TIMD4: variants seen among roughly 807,000 people sequenced by gnomAD.
TIMD4 encodes T-cell immunoglobulin and mucin domain-containing protein 4.
TIMD4 carries 31 observed loss-of-function variants against 41.2 expected under a neutral mutation model. The ratio of observed to expected loss-of-function variants is 0.75; its 90% CI spans 0.57 to 1.01. The LOEUF (loss-of-function observed/expected upper bound fraction) is 1.01, where lower values mean the gene tolerates loss of function less well. TIMD4 is among the 50% of genes least tolerant of loss of function. TIMD4 has a pLI of 0.00. For synonymous variants in TIMD4, 204 were observed against 177.1 expected (o/e 1.15, Z -1.21); for missense variants, 479 against 472.5 (o/e 1.01, Z -0.13).
At chr5:156,930,562 CT>C (rs1235826090) in intron 5 of TIMD4, among the ~76,000 whole-genome samples, 3 of 152,224 alleles carry the variant, frequency 2.0e-5, no homozygotes, top group Non-Finnish European at 4.4e-5. Context: ...GGACAGTGGT[CT>C]CTAAAGAGGG....
intron 1 of TIMD4, among the ~76,000 whole-genome samples, chr5:156,958,823 A>G (rs1428077887): frequency 1.3e-5 from 2 of 152,230 alleles, no homozygotes; most frequent in African/African-American, 4.8e-5. Context: ...AAACTGGTGC[A>G]TATTTATTCC....
chr5:156,938,849 T>A (rs1034296969), intron 5 of TIMD4, among the ~76,000 whole-genome samples: 2 of 152,214 alleles, frequency 1.3e-5, no homozygotes, highest in African/African-American at 4.8e-5. Context: ...TCTAAATGCC[T>A]CATTCCAGAA....
At chr5:156,940,744 A>G (rs111637054) in intron 5 of TIMD4, among the ~76,000 whole-genome samples, 1 of 151,170 alleles carries the variant, frequency 6.6e-6, no homozygotes, top group Non-Finnish European at 1.5e-5. Context: ...AAGTGAGGAG[A>G]GTCTCCACCC....
chr5:156,943,852 C>T (rs1440465934), intron 5 of TIMD4, among the ~76,000 whole-genome samples: 2 of 151,426 alleles, frequency 1.3e-5, no homozygotes, highest in Non-Finnish European at 2.9e-5. Flanking sequence ...GAGTTTGAGA[C>T]CAGCCTGGCC....
At chr5:156,932,716 C>T (rs1047033935) in intron 5 of TIMD4, among the ~76,000 whole-genome samples, 5 of 152,102 alleles carry the variant, frequency 3.3e-5, no homozygotes, top group South Asian at 2.1e-4. Flanking sequence ...TTAAAGAAAA[C>T]GGTTTAAGGG....
chr5:156,921,557 T>G (rs1318377541), intron 7 of TIMD4, among the ~76,000 whole-genome samples: 2 of 127,384 alleles, frequency 1.6e-5, no homozygotes, highest in Non-Finnish European at 3.1e-5. Flanking sequence ...GAGGCGGAGG[T>G]GCAGTAAGCT....
At chr5:156,950,002 G>A (rs945177116) in intron 3 of TIMD4, among the ~76,000 whole-genome samples, 1 of 152,090 alleles carries the variant, frequency 6.6e-6, no homozygotes, top group Non-Finnish European at 1.5e-5. Flanking sequence ...TTTTTAGTAA[G>A]AGATGGGGTT....
chr5:156,920,279 T>C (rs910730985), intron 8 of TIMD4, among the ~76,000 whole-genome samples, 185 bp downstream of exon 8: 1 of 152,198 alleles, frequency 6.6e-6, no homozygotes, highest in East Asian at 1.9e-4. Flanking sequence ...TTGCTCAGAG[T>C]GTTAACCAAG....
At chr5:156,945,677 C>T (rs921768217) in intron 5 of TIMD4, among the ~76,000 whole-genome samples, 5 of 151,878 alleles carry the variant, frequency 3.3e-5, no homozygotes, top group African/African-American at 7.3e-5. Flanking sequence ...AAAAAGCATG[C>T]GTGTAATGTT....
chr5:156,940,435 A>G (rs1335334016), intron 5 of TIMD4, among the ~76,000 whole-genome samples: 2 of 150,110 alleles, frequency 1.3e-5, no homozygotes, highest in African/African-American at 5.0e-5. Context: ...GGATGTGAGG[A>G]GCCCCTCTGC....
intron 1 of TIMD4, among the ~76,000 whole-genome samples, chr5:156,960,768 C>A (rs924702603): frequency 6.6e-6 from 1 of 152,198 alleles, no homozygotes; most frequent in African/African-American, 2.4e-5. Context: ...TGGAATATAA[C>A]AAGCCACAAA....
intron 6 of TIMD4, among the ~76,000 whole-genome samples, chr5:156,925,737 G>A (rs1759335349): frequency 1.3e-5 from 2 of 152,220 alleles, no homozygotes; most frequent in Admixed American, 1.3e-4. Flanking sequence ...GCTTTTCAAA[G>A]TATTGGCACA....
chr5:156,933,475 C>G (rs1340496309), intron 5 of TIMD4, among the ~76,000 whole-genome samples: 1 of 133,086 alleles, frequency 7.5e-6, no homozygotes, highest in African/African-American at 2.8e-5. Flanking sequence ...CCAAAAAAAG[C>G]TGAAAAGTGA....
chr5:156,924,234 A>G, intron 6 of TIMD4: 1 of 404,992 alleles, frequency 2.5e-6, no homozygotes, highest in South Asian at 2.0e-5. Flanking sequence ...AAGGTTTATG[A>G]GTTTTACTCT....
chr5:156,941,647 G>A (rs1427645901), intron 5 of TIMD4, among the ~76,000 whole-genome samples: 2 of 152,120 alleles, frequency 1.3e-5, no homozygotes, highest in African/African-American at 4.8e-5. Context: ...TTGGGCCCCA[G>A]TGTGCCTTTT....
chr5:156,959,425 G>A (rs890143240), intron 1 of TIMD4, among the ~76,000 whole-genome samples: 6 of 152,102 alleles, frequency 3.9e-5, no homozygotes, highest in Non-Finnish European at 8.8e-5. Context: ...ATTAATACGC[G>A]TAACAAAGGA....
intron 5 of TIMD4, among the ~76,000 whole-genome samples, chr5:156,945,082 A>T (rs1759716000): frequency 6.6e-6 from 1 of 152,190 alleles, no homozygotes; most frequent in Non-Finnish European, 1.5e-5. Flanking sequence ...AGAAAAACCC[A>T]CAGAAGCCTG....
intron 6 of TIMD4, 147 bp downstream of exon 6, chr5:156,926,116 G>T: frequency 1.4e-6 from 1 of 719,316 alleles, no homozygotes; most frequent in Non-Finnish European, 2.2e-6. Flanking sequence ...GTTGGCCAGG[G>T]TGATCTCAAA....
intron 5 of TIMD4, among the ~76,000 whole-genome samples, chr5:156,946,861 CAT>C (rs1341522627): frequency 6.6e-6 from 1 of 151,690 alleles, no homozygotes; most frequent in East Asian, 1.9e-4. Context: ...GGCTAATAAA[CAT>C]ATAGAAAGGA....
Sources: allele counts gnomAD v4.1 joint callset (sites outside exome capture counted in the v4.1 genomes callset), GRCh38; gene constraint gnomAD v4.1.1; transcripts MANE v1.5; gene names NCBI Gene and HGNC (gene_info 2026-07-23, HGNC 2026-07-21).